Variants in TANC2 observed in about 807,000 individuals in gnomAD.
TANC2 encodes the protein tetratricopeptide repeat, ankyrin repeat and coiled-coil containing 2.
A neutral mutation model predicts 210.5 loss-of-function variants in TANC2; 26 were observed. The observed-to-expected ratio is 0.12, with a 90% CI of 0.09 to 0.17. The LOEUF is 0.17. Among genes scored for constraint, TANC2 ranks in the 10% least tolerant of loss-of-function variants. The probability of loss-of-function intolerance (pLI) is 1.00; values close to 1 mark genes in which losing one functional copy is unlikely to be tolerated. For missense variants in TANC2, 2,129 were observed against 2,608.9 expected, an observed-to-expected ratio of 0.82 and a Z score of 4.01; for synonymous variants, 931 against 967.1, an observed-to-expected ratio of 0.96 and a Z score of 0.69.
intron 2 of TANC2, among the ~76,000 whole-genome samples, chr17:63,050,054 A>G (rs536635576): frequency 1.3e-5 from 2 of 152,270 alleles, no homozygotes; most frequent in South Asian, 2.1e-4. Flanking sequence ...CCTGTGTGAT[A>G]TAAAAGTGGA....
At chr17:63,349,179 A>G (rs1472213462) in intron 12 of TANC2, among the ~76,000 whole-genome samples, 2 of 152,224 alleles carry the variant, frequency 1.3e-5, no homozygotes, top group African/African-American at 2.4e-5. Flanking sequence ...GGGGAAGGCA[A>G]GTACCCCCTT....
intron 21 of TANC2, among the ~76,000 whole-genome samples, chr17:63,410,788 G>A (rs1382350691): frequency 2.7e-5 from 4 of 148,594 alleles, no homozygotes; most frequent in Non-Finnish European, 4.4e-5. Context: ...CTGAACCCGG[G>A]AGGTGGAGGT....
chr17:63,298,778 G>A (rs188097080), intron 9 of TANC2, among the ~76,000 whole-genome samples: 102 of 152,070 alleles, frequency 6.7e-4, no homozygotes, highest in African/African-American at 2.4e-3. Context: ...ATTATTTTAA[G>A]TTCCAGGATA....
At chr17:63,341,898 T>C (rs1226670191) in intron 12 of TANC2, among the ~76,000 whole-genome samples, 3 of 152,254 alleles carry the variant, frequency 2.0e-5, no homozygotes, top group Admixed American at 6.5e-5. Context: ...AGCCTTATTA[T>C]TCACTGTTAT....
At chr17:63,409,485 C>T (rs2048621572) in intron 21 of TANC2, among the ~76,000 whole-genome samples, 1 of 152,142 alleles carries the variant, frequency 6.6e-6, no homozygotes, top group Non-Finnish European at 1.5e-5. Context: ...TGCACCCAGC[C>T]AAATATTTAT....
intron 5 of TANC2, among the ~76,000 whole-genome samples, chr17:63,161,354 C>T (rs561353969): frequency 1.8e-4 from 27 of 151,946 alleles, no homozygotes; most frequent in African/African-American, 5.8e-4. Context: ...AGAGTGAGAC[C>T]ATGTCTAAAA....
intron 2 of TANC2, among the ~76,000 whole-genome samples, chr17:63,062,562 T>G (rs923457201): frequency 2.0e-5 from 3 of 152,172 alleles, no homozygotes; most frequent in African/African-American, 7.2e-5. Flanking sequence ...TCAGCTGGTG[T>G]TATCAAATTA....
At position 63,147,201 on chromosome 17, in the gene TANC2, A is replaced by G. The variant is rs188735800; in HGVS notation, c.323-4069A>G. Reference sequence around the variant, plus strand: ...AAAAAGAAATAACGAAAATTACCCAAGCGTGGTGGCACATGACTGTGGTCC... The same window carrying G: ...AAAAAGAAATAACGAAAATTACCCAGGCGTGGTGGCACATGACTGTGGTCC... On this transcript the variant is annotated intron_variant, in intron 4 of 27. Coordinates refer to ENST00000689528, the Ensembl canonical transcript of TANC2. Among the ~76,000 whole-genome samples, 67 of 151,826 alleles carry G rather than the reference A, an allele frequency of 4.4e-4. 1 individual carries two copies. Among genetic ancestry groups the G allele is most frequent in the Non-Finnish European group, 8.2e-4 (56 of 67,890 alleles).
intron 2 of TANC2, among the ~76,000 whole-genome samples, chr17:63,015,155 T>C (rs2034049778): frequency 6.6e-6 from 1 of 152,008 alleles, no homozygotes; most frequent in Non-Finnish European, 1.5e-5. Context: ...TTTAGGGTTT[T>C]CTTTTAAATC....
At chr17:63,345,619 CAAAAAA>C (rs752643075) in intron 12 of TANC2, among the ~76,000 whole-genome samples, 1 of 86,634 alleles carries the variant, frequency 1.2e-5, no homozygotes, top group Admixed American at 1.3e-4. Flanking sequence ...AATTCTGTCT[CAAAAAA>C]AAAAAAAAAA....
At chr17:63,402,839 A>T (rs1312404196) in intron 19 of TANC2, among the ~76,000 whole-genome samples, 1 of 152,252 alleles carries the variant, frequency 6.6e-6, no homozygotes, top group East Asian at 1.9e-4. Flanking sequence ...TTCTTTTAGA[A>T]AGTTTTAACA....
chr17:63,354,766 T>G lies in TANC2; in HGVS notation c.1975-17T>G. The G allele has an allele frequency of 6.5e-7, 1 of 1,539,058 alleles. No individual in the cohort carries two copies. The highest frequency in any genetic ancestry group is 8.7e-7 in the Non-Finnish European group (1 of 1,147,890). On this transcript the variant is annotated splice_polypyrimidine_tract_variant and intron_variant, in intron 13 of 27. Transcript: ENST00000689528. ...CTGAAGGTCTTTCTGTCTCTTTCTC[T>G]CTCTCCATCTTTTTAGGAAATTACC...
intron 14 of TANC2, among the ~76,000 whole-genome samples, chr17:63,357,984 T>A (rs1423747761): frequency 1.3e-5 from 2 of 152,230 alleles, no homozygotes; most frequent in Admixed American, 6.5e-5. Flanking sequence ...TGTACATCTC[T>A]GTGGTGTAAG....
chr17:63,263,963 A>C (rs2043446405), intron 8 of TANC2, among the ~76,000 whole-genome samples: 1 of 152,214 alleles, frequency 6.6e-6, no homozygotes, highest in African/African-American at 2.4e-5. Flanking sequence ...GAAATATAAC[A>C]GCTCAACATA....
rs577098239 is a variant in TANC2 at position 63,400,779 on chromosome 17, G to T, written c.3331+1865G>T. 2.6e-5 allele frequency among the ~76,000 whole-genome samples: 4 copies of T among 151,546 alleles called. No homozygotes were observed. In the East Asian group the frequency reaches 5.8e-4, roughly 22 times the overall value. ...CTGCCTCAGCCTCCCGAGTAGCTGG[G>T]ATTACAGGCGTGCACCACCACACCT... On this transcript the variant is annotated intron_variant, in intron 19 of 27. Transcript: ENST00000689528.
At chr17:63,178,543 A>G (rs1359939746) in intron 5 of TANC2, among the ~76,000 whole-genome samples, 1 of 152,222 alleles carries the variant, frequency 6.6e-6, no homozygotes, top group East Asian at 1.9e-4. Flanking sequence ...CCTCAGAACA[A>G]TGAAAAATTC....
intron 2 of TANC2, among the ~76,000 whole-genome samples, chr17:63,038,024 A>G (rs948663473): frequency 6.6e-6 from 1 of 151,756 alleles, no homozygotes; most frequent in Admixed American, 6.6e-5. Context: ...TCTTTTTCTC[A>G]TTTTATGGCA....
intron 6 of TANC2, 34 bp downstream of exon 6, chr17:63,194,173 G>T (rs775074835): frequency 1.0e-5 from 16 of 1,595,326 alleles, no homozygotes; most frequent in Non-Finnish European, 1.3e-5. Flanking sequence ...GTGAAACATG[G>T]TGTGAATCAG....
chr17:63,194,097 G>A, exon 6 of TANC2: 2 of 1,613,430 alleles, frequency 1.2e-6, no homozygotes, highest in Non-Finnish European at 1.7e-6. Flanking sequence ...CAGAAGTTCA[G>A]CCAGGTGACC....
Sources: gnomAD v4.1 joint callset for allele counts (sites outside exome capture counted in the v4.1 genomes callset) on GRCh38, gnomAD v4.1.1 for gene constraint, MANE v1.5 for transcripts, NCBI Gene and HGNC (gene_info 2026-07-23, HGNC 2026-07-21) for gene names.